LETM2: variants seen among roughly 807,000 people sequenced by gnomAD.
LETM2 encodes leucine zipper and EF-hand containing transmembrane protein 2, also known as LETM1 domain-containing protein LETM2, mitochondrial.
A neutral mutation model predicts 59.6 loss-of-function variants in LETM2; 58 were observed. That is an observed-to-expected ratio of 0.97 (90% CI 0.79 to 1.21). The LOEUF is 1.21. Among genes scored for constraint, LETM2 ranks in the 50% most tolerant of loss-of-function variants. LETM2 has a pLI of 0.00. For missense variants in LETM2, 572 were observed against 575.7 expected (o/e 0.99, Z 0.07); for synonymous variants, 199 against 214.1 (o/e 0.93, Z 0.62).
chr8:38,401,138 T>G lies in LETM2; in HGVS notation c.984+85T>G, dbSNP rs537690903. 351 of 987,038 alleles carry G rather than the reference T, an allele frequency of 3.6e-4. 2 individuals are homozygous for G. In the Admixed American group the frequency reaches 5.9e-3, roughly 17 times the overall value. The allele number at this position is 987,038 out of a possible 1,614,324, so 61.1% of individuals were successfully genotyped here. Reference sequence around the variant, plus strand: ...CCTGTGGGATGAAGTGTGCAGTATTTTTTGTTTTTGTTTTTGTTTTTGAGA... The same window carrying G: ...CCTGTGGGATGAAGTGTGCAGTATTGTTTGTTTTTGTTTTTGTTTTTGAGA... On this transcript the variant is annotated intron_variant, in intron 6 of 10. Transcript: ENST00000379957.
intron 5 of LETM2, 59 bp downstream of exon 5, chr8:38,400,468 C>T: frequency 6.8e-7 from 1 of 1,477,482 alleles, no homozygotes; most frequent in Non-Finnish European, 9.1e-7. Context: ...ATGAAAAACG[C>T]ATGTCATCAT....
chr8:38,391,192 A>AC lies in LETM2; in HGVS notation c.48-1350_48-1349insC, dbSNP rs1371293343. On this transcript the variant is annotated intron_variant, in intron 2 of 10. Coordinates refer to ENST00000379957, the MANE Select transcript of LETM2 (RefSeq NM_001286819.2). ...GACTCCTCCTGTCTCAAAAAAAAAA[A>AC]AAAAAACAAAAAAAAAAACCAAAAA... 1.4e-5 allele frequency among the ~76,000 whole-genome samples: 2 copies of AC among 142,452 alleles called. 1 individual carries two copies. Among genetic ancestry groups the AC allele is most frequent in the South Asian group, 4.2e-4 (2 of 4,740 alleles). 93.5% of individuals were successfully genotyped at this position (142,452 alleles called of 152,430 possible). A position where few individuals can be genotyped will look rare whatever the true frequency, so the allele number is the denominator to read the frequency against.
intron 5 of LETM2, 47 bp downstream of exon 5, chr8:38,400,456 C>A: frequency 6.6e-7 from 1 of 1,509,586 alleles, no homozygotes; most frequent in Non-Finnish European, 8.9e-7. Context: ...GCTGGGCGTT[C>A]TATGAAAAAC....
At chr8:38,394,032 G>A in intron 3 of LETM2, 66 bp from the exon 4 acceptor site, 2 of 1,270,378 alleles carry the variant, frequency 1.6e-6, no homozygotes, top group Non-Finnish European at 2.0e-6. Flanking sequence ...TTTTGGTTTT[G>A]TTTTTCATTT....
intron 2 of LETM2, among the ~76,000 whole-genome samples, chr8:38,390,190 CCTT>C (rs1812112196): frequency 6.6e-6 from 1 of 151,862 alleles, no homozygotes; most frequent in Non-Finnish European, 1.5e-5. Flanking sequence ...GTTTTTAACA[CCTT>C]AAGAACCAAG....
chr8:38,407,435 A>C lies in LETM2; in HGVS notation c.1385A>C (p.Lys462Thr), dbSNP rs1813820311. ...ITPSTPISLP[K>T]GPITSSEEPT... The stretch of plus-strand genomic sequence containing the variant: ...CCATCAACACCTATTTCATTACCTA[A>C]AGGACCCATCACTTCTTCTGAAGAA... Residue 462 changes from lysine to threonine, a missense_variant, in exon 10 of 11, where the codon AAA becomes ACA. Lys to Thr is a moderately conservative substitution (Grantham distance 78). Transcript: ENST00000379957. The C allele has an allele frequency of 1.2e-6, 2 of 1,610,992 alleles. No homozygotes were observed. The highest frequency in any genetic ancestry group is 1.7e-6 in the Non-Finnish European group (2 of 1,177,390).
chr8:38,405,890 C>T (rs1423235255), intron 8 of LETM2, among the ~76,000 whole-genome samples: 1 of 152,180 alleles, frequency 6.6e-6, no homozygotes. Flanking sequence ...GAATTAAGGA[C>T]AAAATGATAA....
intron 3 of LETM2, 189 bp downstream of exon 3, chr8:38,393,184 T>A: frequency 1.7e-6 from 1 of 571,676 alleles, no homozygotes; most frequent in South Asian, 2.5e-5. Flanking sequence ...CTGAAATTTG[T>A]TATATATTTT....
chr8:38,391,212 C>CAAAAAAAAA (rs1381418029), intron 2 of LETM2, among the ~76,000 whole-genome samples: 1 of 120,118 alleles, frequency 8.3e-6, no homozygotes, highest in African/African-American at 3.1e-5. Flanking sequence ...AAAAAAAAAC[C>CAAAAAAAAA]AAAAAACTGA....
intron 5 of LETM2, 180 bp downstream of exon 5, chr8:38,400,589 C>A: frequency 1.5e-6 from 1 of 688,236 alleles, no homozygotes; most frequent in Non-Finnish European, 2.3e-6. Context: ...GCAGAAAAGC[C>A]TGTCTTAAAG....
intron 7 of LETM2, 71 bp from the exon 8 acceptor site, chr8:38,404,322 G>A: frequency 9.5e-7 from 1 of 1,048,100 alleles, no homozygotes; most frequent in Non-Finnish European, 1.5e-6. Context: ...AGCCAGGGAG[G>A]GTAGATGACC....
upstream of LETM2, among the ~76,000 whole-genome samples, chr8:38,384,506 C>G (rs1007942754): frequency 2.0e-5 from 3 of 152,162 alleles, no homozygotes; most frequent in African/African-American, 7.2e-5. Context: ...GAACAAGGAG[C>G]TCATTAAGAC....
intron 4 of LETM2, among the ~76,000 whole-genome samples, chr8:38,398,140 TAA>T (rs5891020): frequency 4.4e-4 from 61 of 140,186 alleles, no homozygotes; most frequent in Middle Eastern, 3.6e-3. Flanking sequence ...ATTTTTGTCT[TAA>T]AAAAAAAAAA....
upstream of LETM2, among the ~76,000 whole-genome samples, chr8:38,385,861 C>T (rs1811753979): frequency 6.6e-6 from 1 of 152,244 alleles, no homozygotes; most frequent in Non-Finnish European, 1.5e-5. Context: ...TGTCATTTCA[C>T]AGCTACTATA....
intron 2 of LETM2, among the ~76,000 whole-genome samples, chr8:38,388,568 A>G (rs1811960705): frequency 6.7e-6 from 1 of 150,356 alleles, no homozygotes; most frequent in Admixed American, 6.6e-5. Context: ...CTAAAACTGC[A>G]AAAATTAGCC....
At chr8:38,400,693 T>G (rs1586009766) in intron 5 of LETM2, 160 bp from the exon 6 acceptor site, 2 of 719,920 alleles carry the variant, frequency 2.8e-6, no homozygotes, top group East Asian at 5.2e-5. Flanking sequence ...CTGATGTAGT[T>G]TGACTTCAGA....
chr8:38,401,922 C>G (rs549684121), intron 6 of LETM2, among the ~76,000 whole-genome samples: 3 of 152,174 alleles, frequency 2.0e-5, no homozygotes, highest in Non-Finnish European at 2.9e-5. Context: ...AAGCATTCCA[C>G]CTGGGGGAGC....
chr8:38,384,062 A>G (rs1450656213), upstream of LETM2, among the ~76,000 whole-genome samples: 2 of 152,156 alleles, frequency 1.3e-5, no homozygotes, highest in Non-Finnish European at 2.9e-5. Flanking sequence ...TAAAACACAG[A>G]TGGCCAAAGC....
chr8:38,407,773 C>T (rs919196818), intron 10 of LETM2, among the ~76,000 whole-genome samples: 1 of 152,138 alleles, frequency 6.6e-6, no homozygotes, highest in Non-Finnish European at 1.5e-5. Context: ...ACACATGCTT[C>T]CGACGTGAGG....
Sources: allele counts gnomAD v4.1 joint callset (sites outside exome capture counted in the v4.1 genomes callset), GRCh38; gene constraint gnomAD v4.1.1; transcripts MANE v1.5; gene names NCBI Gene and HGNC (gene_info 2026-07-23, HGNC 2026-07-21).